The following HCN1 variants were observed in gnomAD, a reference collection of about 807,000 sequenced individuals.
HCN1 encodes hyperpolarization activated cyclic nucleotide gated potassium channel 1.
Under a neutral mutation model 78.9 loss-of-function variants are expected in HCN1, and 13 were observed. That is an observed-to-expected ratio of 0.16 (90% CI 0.11 to 0.26). HCN1 has a LOEUF of 0.26. Ranked by LOEUF, HCN1 falls within the 10% of genes least tolerant of loss-of-function variation. HCN1 has a pLI of 1.00. For synonymous variants in HCN1, 552 were observed against 455.5 expected (o/e 1.21, Z -2.70); for missense variants, 810 against 1,154.3 (o/e 0.70, Z 4.32).
chr5:45,262,713 T>C lies in HCN1; in HGVS notation c.1881A>G (p.Lys627=). ...QENEILKQIV[K]HDREMVQAIA... ...TTGCCTGCACCATCTCCCTGTCATGTTTCACAATCTGCTTGAGGATTTCGT... is the reference window on the plus strand; with the variant it reads ...TTGCCTGCACCATCTCCCTGTCATGCTTCACAATCTGCTTGAGGATTTCGT... The change falls in exon 8 of 8, where the codon AAA becomes AAG. Residue 627 remains lysine, a synonymous_variant. Coordinates refer to ENST00000303230, the MANE Select transcript of HCN1 (RefSeq NM_021072.4). 6.2e-7 allele frequency: 1 copy of C among 1,614,120 alleles called. No individual in the cohort carries two copies. The highest frequency in any genetic ancestry group is 8.5e-7 in the Non-Finnish European group (1 of 1,180,006).
rs145873352 is a variant in HCN1 at position 45,285,079 on chromosome 5, C to T, written c.1619-17826G>A. Among the ~76,000 whole-genome samples, 16 of 152,096 alleles carry T rather than the reference C, an allele frequency of 1.1e-4. No homozygotes were observed. The East Asian group carries it at 3.1e-3, about 29-fold the overall frequency. On this transcript the variant is annotated intron_variant, in intron 6 of 7. Transcript: ENST00000303230. ...ATGAGCTGGAGAGATTCCAGATCAT[C>T]AGAAATGAGTTTCCTGAGGTGAAGG...
At chr5:45,615,278 T>C (rs1744920407) in intron 2 of HCN1, among the ~76,000 whole-genome samples, 1 of 152,056 alleles carries the variant, frequency 6.6e-6, no homozygotes, top group Admixed American at 6.6e-5. Flanking sequence ...ATCATGATCT[T>C]TTGGGAATAG....
chr5:45,344,068 C>T (rs1241224224), intron 5 of HCN1, among the ~76,000 whole-genome samples: 1 of 151,924 alleles, frequency 6.6e-6, no homozygotes, highest in African/African-American at 2.4e-5. Flanking sequence ...TAGGGGAGGC[C>T]TCAGGAAACT....
intron 5 of HCN1, among the ~76,000 whole-genome samples, chr5:45,331,120 G>A (rs1371956615): frequency 6.6e-6 from 1 of 150,940 alleles, no homozygotes; most frequent in Admixed American, 6.6e-5. Flanking sequence ...ATTATCTTTG[G>A]CATTGAACAG....
intron 2 of HCN1, among the ~76,000 whole-genome samples, chr5:45,525,857 T>C (rs1307362403): frequency 6.6e-6 from 1 of 151,984 alleles, no homozygotes; most frequent in Non-Finnish European, 1.5e-5. Flanking sequence ...TAACACCCAA[T>C]ACAATAGCAT....
chr5:45,352,883 C>T (rs945957731), intron 5 of HCN1, among the ~76,000 whole-genome samples: 3 of 151,926 alleles, frequency 2.0e-5, no homozygotes, highest in African/African-American at 7.2e-5. Flanking sequence ...GAAATACAGA[C>T]AAGAGAACAG....
At position 45,522,611 on chromosome 5, in the gene HCN1, T is replaced by G. The variant is rs536227922; in HGVS notation, c.850-60604A>C. ...AATGTAAGTCTCTTTTCTTTTTTTT[T>G]TTTTGTTTTGTTTTGTTTTGCAATC... On this transcript the variant is annotated intron_variant, in intron 2 of 7. Transcript: ENST00000303230. Among the ~76,000 whole-genome samples, 95 of 151,992 alleles carry G rather than the reference T, an allele frequency of 6.3e-4. 1 individual carries two copies. The South Asian group carries it at 0.011, about 17-fold the overall frequency.
At chr5:45,348,585 A>G (rs891524544) in intron 5 of HCN1, among the ~76,000 whole-genome samples, 2 of 152,236 alleles carry the variant, frequency 1.3e-5, no homozygotes, top group Admixed American at 6.5e-5. Context: ...TTGGATAAAG[A>G]GTCAAGACCC....
At chr5:45,659,956 C>A (rs1745890695) in intron 1 of HCN1, among the ~76,000 whole-genome samples, 3 of 146,068 alleles carry the variant, frequency 2.1e-5, no homozygotes, top group Non-Finnish European at 4.5e-5. Context: ...ACAGAGAACG[C>A]CACAAAGATA....
intron 3 of HCN1, among the ~76,000 whole-genome samples, chr5:45,440,587 T>C (rs77531390): frequency 0.098 from 14,882 of 152,216 alleles, 966 homozygotes; most frequent in Middle Eastern, 0.17. Flanking sequence ...TTTTCCTTGC[T>C]AACCCTGACT....
intron 2 of HCN1, among the ~76,000 whole-genome samples, chr5:45,532,669 G>T (rs1742884259): frequency 6.6e-6 from 1 of 152,022 alleles, no homozygotes; most frequent in Admixed American, 6.6e-5. Context: ...TGGTACTAAG[G>T]CACTTCTAAA....
chr5:45,417,972 G>T (rs924591931), intron 3 of HCN1, among the ~76,000 whole-genome samples: 4 of 151,782 alleles, frequency 2.6e-5, no homozygotes, highest in African/African-American at 7.3e-5. Context: ...ACAAAGTAAG[G>T]TTGACAAAGT....
intron 2 of HCN1, among the ~76,000 whole-genome samples, chr5:45,638,556 C>A (rs541126216): frequency 9.9e-5 from 15 of 152,232 alleles, no homozygotes; most frequent in African/African-American, 2.4e-4. Context: ...TAAAATTAAG[C>A]CTTACCTCTA....
intron 6 of HCN1, among the ~76,000 whole-genome samples, chr5:45,297,603 A>C (rs1036392725): frequency 6.6e-6 from 1 of 152,076 alleles, no homozygotes; most frequent in Non-Finnish European, 1.5e-5. Context: ...AGCACTTTCA[A>C]ATCCATTCTA....
At chr5:45,318,355 A>G (rs1190469422) in intron 5 of HCN1, among the ~76,000 whole-genome samples, 1 of 152,100 alleles carries the variant, frequency 6.6e-6, no homozygotes, top group Non-Finnish European at 1.5e-5. Context: ...ATAGGTGGGA[A>G]TTGAACAATG....
At chr5:45,375,874 ATTTTATCTT>A (rs1747633696) in intron 4 of HCN1, among the ~76,000 whole-genome samples, 1 of 122,376 alleles carries the variant, frequency 8.2e-6, no homozygotes, top group African/African-American at 3.3e-5. Context: ...TCTTATATAT[ATTTTATCTT>A]ATATATTATA....
intron 2 of HCN1, among the ~76,000 whole-genome samples, chr5:45,537,039 A>C (rs1272835426): frequency 6.6e-6 from 1 of 152,194 alleles, no homozygotes; most frequent in Non-Finnish European, 1.5e-5. Flanking sequence ...ATCCCTTCTG[A>C]GGATCCCTCC....
intron 1 of HCN1, among the ~76,000 whole-genome samples, chr5:45,674,152 GATAT>G (rs1429942319): frequency 6.6e-6 from 1 of 150,848 alleles, no homozygotes; most frequent in Non-Finnish European, 1.5e-5. Flanking sequence ...TATATATATA[GATAT>G]ATAGATATAT....
At chr5:45,592,053 A>AT (rs1197005683) in intron 2 of HCN1, among the ~76,000 whole-genome samples, 3 of 151,494 alleles carry the variant, frequency 2.0e-5, no homozygotes, top group Non-Finnish European at 4.4e-5. Context: ...TGAAAAGATT[A>AT]TTTTTTTCTC....
Sources: allele counts gnomAD v4.1 joint callset (sites outside exome capture counted in the v4.1 genomes callset), GRCh38; gene constraint gnomAD v4.1.1; transcripts MANE v1.5; gene names NCBI Gene and HGNC (gene_info 2026-07-23, HGNC 2026-07-21).